BRWD1: variants seen among roughly 807,000 people sequenced by gnomAD.
The protein encoded by BRWD1 is bromodomain and WD repeat domain containing 1.
Under a neutral mutation model 251.2 loss-of-function variants are expected in BRWD1, and 82 were observed. The ratio of observed to expected loss-of-function variants is 0.33; its 90% CI spans 0.27 to 0.39. The LOEUF (loss-of-function observed/expected upper bound fraction) is 0.39. BRWD1 is among the 10% of genes least tolerant of loss of function. BRWD1 has a pLI of 1.00. For synonymous variants in BRWD1, 918 were observed against 902.8 expected (o/e 1.02, Z -0.30); for missense variants, 2,233 against 2,711.6 (o/e 0.82, Z 3.92).
intron 36 of BRWD1, 71 bp from the exon 37 acceptor site, chr21:39,206,345 T>C (rs1480715929): frequency 2.6e-6 from 3 of 1,152,484 alleles, no homozygotes; most frequent in East Asian, 2.5e-5. Flanking sequence ...ATTGTAATCA[T>C]TGAGATCCCT....
chr21:39,277,271 C>A lies in BRWD1; in HGVS notation c.1084G>T (p.Ala362Ser). 1.2e-6 allele frequency: 2 copies of A among 1,610,004 alleles called. No individual in the cohort carries two copies. Among genetic ancestry groups the A allele is most frequent in the South Asian group, 2.2e-5 (2 of 90,546 alleles). ...FLGFEAPEKI[A>S]ELESHTDKVD... is the part of the protein sequence containing the mutation. ...CTTACAGTGTGGCTTTCAAGTTCTG[C>A]GATTTTTTCGGGTGCTTCAAAACCC... The change falls in exon 11 of 41, where the codon GCA becomes TCA. Residue 362 changes from alanine to serine, a missense_variant. Ala to Ser is a moderately conservative substitution (Grantham distance 99, BLOSUM62 1). Around this residue, in one of 12 missense-constraint regions of BRWD1, gnomAD observed 315 missense variants for 421.8 expected, o/e 0.75. Transcript: ENST00000342449.
chr21:39,303,642 C>A (rs990352418), intron 4 of BRWD1, among the ~76,000 whole-genome samples: 27 of 151,572 alleles, frequency 1.8e-4, no homozygotes, highest in African/African-American at 6.5e-4. Flanking sequence ...CCAGCCTGGG[C>A]AACATGGCAA....
chr21:39,292,514 G>A (rs1350230770), intron 8 of BRWD1, among the ~76,000 whole-genome samples: 3 of 152,014 alleles, frequency 2.0e-5, no homozygotes, highest in Non-Finnish European at 2.9e-5. Context: ...TCATACCCTC[G>A]CCCCAGACGT....
At position 39,232,512 on chromosome 21, in the gene BRWD1, G is replaced by A; in HGVS notation, c.2767-14C>T. On this transcript the variant is annotated splice_polypyrimidine_tract_variant and intron_variant, in intron 23 of 40. Coordinates refer to ENST00000342449, the MANE Select transcript of BRWD1 (RefSeq NM_033656.4). ...CCTCCGCAAATTCTACCAAGGGGAA[G>A]AGAACAAAGTTTCTTAGATTAGAAA... 1 of 1,581,680 alleles carries A rather than the reference G, an allele frequency of 6.3e-7. No homozygotes were observed. Among genetic ancestry groups the A allele is most frequent in the Non-Finnish European group, 8.5e-7 (1 of 1,172,570 alleles).
intron 18 of BRWD1, among the ~76,000 whole-genome samples, chr21:39,256,160 G>A (rs895114432): frequency 1.3e-5 from 2 of 152,008 alleles, no homozygotes; most frequent in African/African-American, 2.4e-5. Flanking sequence ...TGTAGAATAC[G>A]GAACAAACAT....
chr21:39,201,981 G>C lies in BRWD1; in HGVS notation c.4585+344C>G, dbSNP rs1221124495. ...CTACCAGATGGCAACAACATGAACA[G>C]TTTAGAATTTACTACGTCATCAGCT... On this transcript the variant is annotated intron_variant, in intron 38 of 40. Coordinates refer to ENST00000342449, the MANE Select transcript of BRWD1 (RefSeq NM_033656.4). Among the ~76,000 whole-genome samples the C allele has an allele frequency of 2.0e-5, 3 of 152,238 alleles. No individual in the cohort carries two copies. The South Asian group carries it at 6.2e-4, about 31-fold the overall frequency.
rs1601231669 is a variant in BRWD1 at position 39,195,630 on chromosome 21, G to A, written c.*629C>T. The A allele has an allele frequency of 1.2e-5, 12 of 983,750 alleles. No homozygotes were observed. The highest frequency in any genetic ancestry group is 1.1e-4 in the East Asian group (1 of 8,792). 60.9% of individuals were successfully genotyped at this position (983,750 alleles called of 1,614,324 possible). On this transcript the variant is annotated 3_prime_UTR_variant, in exon 41 of 41. Coordinates refer to ENST00000342449, the MANE Select transcript of BRWD1 (RefSeq NM_033656.4). Reference sequence around the variant, plus strand: ...AAGTTTATAACATAAAAGTGACAACGTTTTCCTTAAGAAGAAAAAAACCCA... The same window carrying A: ...AAGTTTATAACATAAAAGTGACAACATTTTCCTTAAGAAGAAAAAAACCCA...
At chr21:39,310,911 T>C (rs2036459759) in intron 4 of BRWD1, among the ~76,000 whole-genome samples, 1 of 152,080 alleles carries the variant, frequency 6.6e-6, no homozygotes, top group Non-Finnish European at 1.5e-5. Flanking sequence ...TTAGAAACGA[T>C]ACATATACCA....
chr21:39,307,289 C>A (rs1297982387), intron 4 of BRWD1, among the ~76,000 whole-genome samples: 1 of 152,118 alleles, frequency 6.6e-6, no homozygotes, highest in Non-Finnish European at 1.5e-5. Context: ...ACAAACCTAA[C>A]CATGAATTTT....
At chr21:39,311,824 C>T (rs1469812735) in intron 4 of BRWD1, among the ~76,000 whole-genome samples, 1 of 152,210 alleles carries the variant, frequency 6.6e-6, no homozygotes, top group Non-Finnish European at 1.5e-5. Flanking sequence ...ATAACACATC[C>T]TCTGGTCTCT....
intron 13 of BRWD1, among the ~76,000 whole-genome samples, chr21:39,271,620 C>A (rs1194823282): frequency 1.4e-5 from 2 of 147,330 alleles, no homozygotes; most frequent in Non-Finnish European, 3.0e-5. Flanking sequence ...TAGCATGAAC[C>A]CAGGAGGCGG....
At chr21:39,211,070 T>C in intron 34 of BRWD1, 141 bp from the exon 35 acceptor site, 1 of 825,660 alleles carries the variant, frequency 1.2e-6, no homozygotes, top group Non-Finnish European at 1.8e-6. Flanking sequence ...AGAAATGAAA[T>C]TTTTAAACTA....
At chr21:39,312,611 C>T (rs1025925138) in intron 4 of BRWD1, 1 of 371,630 alleles carries the variant, frequency 2.7e-6, no homozygotes, top group Non-Finnish European at 5.0e-6. Flanking sequence ...CCGCGAGTCG[C>T]CCCCACCGCT....
Position 39,193,340 on chromosome 21 carries a change from G to C in BRWD1, c.*2919C>G. On this transcript the variant is annotated 3_prime_UTR_variant, in exon 41 of 41. Transcript: ENST00000342449. ...TTACAAAAAGGGAGGCTGACCTTAG[G>C]AATTATTTGAATATGGGATAAACTT... is the stretch of plus-strand genomic sequence containing the variant. 1.0e-6 allele frequency: 1 copy of C among 984,834 alleles called. No homozygotes were observed. The highest frequency in any genetic ancestry group is 1.2e-6 in the Non-Finnish European group (1 of 829,462). 61.0% of individuals were successfully genotyped at this position (984,834 alleles called of 1,614,324 possible).
At chr21:39,251,136 C>A (rs2034379760) in intron 19 of BRWD1, among the ~76,000 whole-genome samples, 1 of 151,986 alleles carries the variant, frequency 6.6e-6, no homozygotes, top group African/African-American at 2.4e-5. Flanking sequence ...CTATCAGGAC[C>A]AATTCAAACA....
intron 4 of BRWD1, among the ~76,000 whole-genome samples, chr21:39,301,981 T>G (rs9982825): frequency 0.085 from 10,515 of 124,380 alleles, 480 homozygotes; most frequent in East Asian, 0.12. Context: ...TTTGTGTGTT[T>G]TTTTTTTTTT....
At chr21:39,247,660 A>G in intron 21 of BRWD1, 41 bp downstream of exon 21, 1 of 1,562,154 alleles carries the variant, frequency 6.4e-7, no homozygotes. Flanking sequence ...AGCCAAATTC[A>G]TTTAAGATTA....
chr21:39,190,045 G>A lies in BRWD1; in HGVS notation c.*6214C>T, dbSNP rs1028189983. 2.0e-6 allele frequency: 2 copies of A among 985,190 alleles called. No homozygotes were observed. Among genetic ancestry groups the A allele is most frequent in the African/African-American group, 1.7e-5 (1 of 57,206 alleles). 61.0% of individuals were successfully genotyped at this position (985,190 alleles called of 1,614,324 possible). ...AAGAACACATCAGTAGTGTAAAACT[G>A]TACATCTGTAGTAGCACTCCATGAT... On this transcript the variant is annotated 3_prime_UTR_variant, in exon 41 of 41. Coordinates refer to ENST00000342449, the MANE Select transcript of BRWD1 (RefSeq NM_033656.4).
intron 8 of BRWD1, among the ~76,000 whole-genome samples, chr21:39,293,093 T>C (rs571545312): frequency 1.3e-5 from 2 of 152,314 alleles, no homozygotes; most frequent in African/African-American, 4.8e-5. Context: ...TAGGAAAGAA[T>C]TGGCCATGGG....
Sources: allele counts gnomAD v4.1 joint callset (sites outside exome capture counted in the v4.1 genomes callset), GRCh38; gene constraint gnomAD v4.1.1; regional missense constraint gnomAD v4.1.1; transcripts MANE v1.5; gene names NCBI Gene and HGNC (gene_info 2026-07-23, HGNC 2026-07-21).